LHFPL3: variants seen among roughly 807,000 people sequenced by gnomAD.
LHFPL3 encodes the protein LHFPL tetraspan subfamily member 3, also known as LHFPL tetraspan subfamily member 3 protein.
LHFPL3 carries 5 observed loss-of-function variants against 19.3 expected under a neutral mutation model. The observed-to-expected ratio is 0.26, with a 90% CI of 0.14 to 0.54. LHFPL3 has a LOEUF of 0.54. LHFPL3 is among the 20% of genes least tolerant of loss of function. LHFPL3 has a pLI of 0.94. For synonymous variants in LHFPL3, 133 were observed against 126.2 expected (o/e 1.05, Z -0.36); for missense variants, 249 against 307.4 (o/e 0.81, Z 1.42).
intron 1 of LHFPL3, among the ~76,000 whole-genome samples, chr7:104,357,274 A>C (rs1260730211): frequency 1.3e-5 from 2 of 152,172 alleles, no homozygotes; most frequent in Admixed American, 1.3e-4. Context: ...TCTCAGAGCT[A>C]GAGATCACCT....
chr7:104,575,559 TAAAAAAAAAA>T (rs58118006), intron 1 of LHFPL3, among the ~76,000 whole-genome samples: 45 of 36,174 alleles, frequency 1.2e-3, no homozygotes, highest in African/African-American at 3.4e-3. Context: ...CAAAGAGATC[TAAAAAAAAAA>T]AAAAAAAAAA....
intron 1 of LHFPL3, among the ~76,000 whole-genome samples, chr7:104,712,850 A>G (rs1584492729): frequency 2.6e-5 from 4 of 152,368 alleles, no homozygotes; most frequent in Admixed American, 2.6e-4. Flanking sequence ...CAAAATGCTT[A>G]ATCTAGATTG....
intron 1 of LHFPL3, among the ~76,000 whole-genome samples, chr7:104,719,329 T>C (rs900691485): frequency 2.0e-5 from 3 of 152,090 alleles, no homozygotes; most frequent in Non-Finnish European, 4.4e-5. Flanking sequence ...TAAGAACATA[T>C]AAAAATGTTT....
chr7:104,841,446 A>T (rs541095655), intron 2 of LHFPL3, among the ~76,000 whole-genome samples: 171 of 136,156 alleles, frequency 1.3e-3, no homozygotes, highest in African/African-American at 4.4e-3. Flanking sequence ...GAATGATCAA[A>T]CAATGATACT....
intron 1 of LHFPL3, among the ~76,000 whole-genome samples, chr7:104,637,910 G>T (rs2385252): frequency 0.98 from 145,923 of 149,572 alleles, 71,260 homozygotes; most frequent in East Asian, 1. Flanking sequence ...TTAAAATAGT[G>T]TTCTAGTCCC....
intron 1 of LHFPL3, among the ~76,000 whole-genome samples, chr7:104,639,967 A>G (rs1791800209): frequency 6.6e-6 from 1 of 152,196 alleles, no homozygotes; most frequent in South Asian, 2.1e-4. Flanking sequence ...ATGATGGCAA[A>G]ATGGGGCTCA....
intron 1 of LHFPL3, among the ~76,000 whole-genome samples, chr7:104,675,400 T>C (rs1792571436): frequency 6.6e-6 from 1 of 152,134 alleles, no homozygotes; most frequent in Admixed American, 6.5e-5. Flanking sequence ...TGGCCTTCGC[T>C]CTACTCCTTC....
At position 104,414,336 on chromosome 7, in the gene LHFPL3, A is replaced by T. The variant is rs184016894; in HGVS notation, c.445+85112A>T. ...AGAAGAGGAAATTGCAGCTGATGAG[A>T]TTTTCAGGATCCCTAGCAGAGCAAT... On this transcript the variant is annotated intron_variant, in intron 1 of 2. Transcript: ENST00000424859. Among the ~76,000 whole-genome samples, 165 of 150,228 alleles carry T rather than the reference A, an allele frequency of 1.1e-3. 1 individual carries two copies. The highest frequency in any genetic ancestry group is 3.7e-3 in the African/African-American group (154 of 41,176).
intron 2 of LHFPL3, among the ~76,000 whole-genome samples, chr7:104,841,842 G>T (rs1244582506): frequency 6.6e-6 from 1 of 152,080 alleles, no homozygotes; most frequent in African/African-American, 2.4e-5. Context: ...TTATTGATGT[G>T]GTCCTCATTG....
chr7:104,871,681 G>A (rs1791841112), intron 2 of LHFPL3, among the ~76,000 whole-genome samples: 1 of 151,620 alleles, frequency 6.6e-6, no homozygotes, highest in Non-Finnish European at 1.5e-5. Flanking sequence ...TTTTTGAGGT[G>A]GAGTTTCACT....
chr7:104,438,592 TAAGAG>T (rs1237331806), intron 1 of LHFPL3, among the ~76,000 whole-genome samples: 7 of 152,298 alleles, frequency 4.6e-5, no homozygotes, highest in African/African-American at 1.7e-4. Context: ...ATTCAGTGCT[TAAGAG>T]AAATTTATAG....
intron 1 of LHFPL3, among the ~76,000 whole-genome samples, chr7:104,728,772 T>C (rs970673342): frequency 6.6e-6 from 1 of 152,130 alleles, no homozygotes; most frequent in Non-Finnish European, 1.5e-5. Flanking sequence ...ATTAGCTCCA[T>C]AATAACATAA....
chr7:104,568,729 C>A (rs1222891114), intron 1 of LHFPL3, among the ~76,000 whole-genome samples: 2 of 152,150 alleles, frequency 1.3e-5, no homozygotes, highest in Non-Finnish European at 2.9e-5. Flanking sequence ...TGTCCTCCTA[C>A]CACCCATGAC....
intron 1 of LHFPL3, among the ~76,000 whole-genome samples, chr7:104,731,301 G>GTA (rs1793700820): frequency 1.2e-4 from 14 of 115,560 alleles, no homozygotes; most frequent in African/African-American, 5.1e-4. Context: ...TTGAATCTAC[G>GTA]AATTACCTTG....
chr7:104,880,691 T>G (rs920846280), intron 2 of LHFPL3, among the ~76,000 whole-genome samples: 5 of 152,066 alleles, frequency 3.3e-5, no homozygotes, highest in Non-Finnish European at 7.3e-5. Context: ...AAAAGATTCC[T>G]TTCAAAAAAA....
At chr7:104,595,202 G>T (rs1051020157) in intron 1 of LHFPL3, among the ~76,000 whole-genome samples, 20 of 152,152 alleles carry the variant, frequency 1.3e-4, no homozygotes, top group African/African-American at 4.8e-4. Context: ...CTTTGATGTT[G>T]GTGACGTACA....
At chr7:104,878,743 A>G (rs1245256097) in intron 2 of LHFPL3, among the ~76,000 whole-genome samples, 2 of 152,208 alleles carry the variant, frequency 1.3e-5, no homozygotes, top group Admixed American at 6.5e-5. Context: ...GAGACAGGAT[A>G]AAAGCTAGGA....
chr7:104,374,291 G>T (rs1326750129), intron 1 of LHFPL3, among the ~76,000 whole-genome samples: 1 of 151,666 alleles, frequency 6.6e-6, no homozygotes, highest in Admixed American at 6.6e-5. Flanking sequence ...CACCAGGCTG[G>T]AGTACAATGG....
At chr7:104,645,445 A>G (rs1270951882) in intron 1 of LHFPL3, among the ~76,000 whole-genome samples, 2 of 152,184 alleles carry the variant, frequency 1.3e-5, no homozygotes, top group African/African-American at 4.8e-5. Context: ...ATAATTGCCC[A>G]GTGAAAATAA....
Sources: allele counts gnomAD v4.1 joint callset (sites outside exome capture counted in the v4.1 genomes callset), GRCh38; gene constraint gnomAD v4.1.1; transcripts MANE v1.5; gene names NCBI Gene and HGNC (gene_info 2026-07-23, HGNC 2026-07-21).